SYNPR: variants seen among roughly 807,000 people sequenced by gnomAD.
The protein encoded by SYNPR is synaptoporin.
In SYNPR, 23 loss-of-function variants were observed where a neutral mutation model predicts 32.9. That is an observed-to-expected ratio of 0.70 (90% CI 0.50 to 0.99). SYNPR has a LOEUF of 0.99. SYNPR is among the 50% of genes least tolerant of loss of function. The pLI, the probability that SYNPR is intolerant of heterozygous loss-of-function variation, is 0.00. For missense variants in SYNPR, 318 were observed against 349.3 expected, an observed-to-expected ratio of 0.91 and a Z score of 0.71; for synonymous variants, 146 against 135.9, an observed-to-expected ratio of 1.07 and a Z score of -0.52.
intron 2 of SYNPR, among the ~76,000 whole-genome samples, chr3:63,265,505 A>G (rs2086478296): frequency 6.6e-6 from 1 of 152,122 alleles, no homozygotes; most frequent in Non-Finnish European, 1.5e-5. Context: ...ACCTGCCTCA[A>G]CTTCCCAAAA....
chr3:63,355,826 G>A (rs1276378110), intron 2 of SYNPR, among the ~76,000 whole-genome samples: 1 of 152,108 alleles, frequency 6.6e-6, no homozygotes, highest in Non-Finnish European at 1.5e-5. Context: ...CCATGTCTGA[G>A]CTGGAAAATA....
chr3:63,452,630 C>G (rs12630302), intron 2 of SYNPR, among the ~76,000 whole-genome samples: 1 of 151,914 alleles, frequency 6.6e-6, no homozygotes, highest in South Asian at 2.1e-4. Flanking sequence ...GGACTTGAAC[C>G]TTCACAACAG....
chr3:63,304,777 TTTGA>T (rs1158154296), intron 2 of SYNPR, among the ~76,000 whole-genome samples: 1 of 148,340 alleles, frequency 6.7e-6, no homozygotes, highest in Non-Finnish European at 1.5e-5. Flanking sequence ...TGTTCTTTTA[TTTGA>T]TTAATTAATT....
intron 2 of SYNPR, among the ~76,000 whole-genome samples, chr3:63,408,737 G>T (rs983602525): frequency 6.6e-6 from 1 of 152,116 alleles, no homozygotes; most frequent in African/African-American, 2.4e-5. Context: ...GATGGTGCCT[G>T]CTCACATGGG....
At chr3:63,221,356 A>G in the SYNPR span, among the ~76,000 whole-genome samples, 1 of 152,176 alleles carries the variant, frequency 6.6e-6, no homozygotes, top group African/African-American at 2.4e-5. Flanking sequence ...AGCATTCAAT[A>G]TGCTTATATT....
At chr3:63,410,946 G>C (rs1237140433) in intron 2 of SYNPR, among the ~76,000 whole-genome samples, 2 of 152,188 alleles carry the variant, frequency 1.3e-5, no homozygotes, top group Admixed American at 6.5e-5. Flanking sequence ...TGTTAGGCTA[G>C]TTTTGGAGCA....
chr3:63,333,306 C>A (rs1252472919), intron 2 of SYNPR, among the ~76,000 whole-genome samples: 1 of 150,438 alleles, frequency 6.6e-6, no homozygotes, highest in African/African-American at 2.5e-5. Context: ...TCTCTGGGGT[C>A]ATCTCCCAGT....
intron 4 of SYNPR, among the ~76,000 whole-genome samples, chr3:63,592,811 C>T (rs1699862033): frequency 1.3e-5 from 2 of 152,040 alleles, no homozygotes; most frequent in Non-Finnish European, 2.9e-5. Context: ...TAATATGTCA[C>T]TGAATTTCCT....
At chr3:63,452,731 T>C (rs1251968994) in intron 2 of SYNPR, among the ~76,000 whole-genome samples, 1 of 152,068 alleles carries the variant, frequency 6.6e-6, no homozygotes, top group African/African-American at 2.4e-5. Context: ...ACATTGTGTA[T>C]ATGGTGACTC....
intron 4 of SYNPR, among the ~76,000 whole-genome samples, chr3:63,602,452 G>A (rs559681587): frequency 2.6e-5 from 4 of 152,030 alleles, no homozygotes; most frequent in Non-Finnish European, 5.9e-5. Flanking sequence ...CATTTCCTAG[G>A]TTATCTTCTA....
intron 2 of SYNPR, among the ~76,000 whole-genome samples, chr3:63,255,769 G>A (rs967909214): frequency 6.6e-6 from 1 of 152,168 alleles, no homozygotes; most frequent in Admixed American, 6.5e-5. Context: ...TGGGTGCAGT[G>A]CACCGAGTGT....
At chr3:63,344,459 G>A (rs560850072) in intron 2 of SYNPR, among the ~76,000 whole-genome samples, 1 of 150,404 alleles carries the variant, frequency 6.6e-6, no homozygotes, top group East Asian at 2.0e-4. Flanking sequence ...AGGAGAAATT[G>A]TAAAATGTCT....
chr3:63,561,998 C>T (rs1054240784), intron 4 of SYNPR, among the ~76,000 whole-genome samples: 3 of 152,026 alleles, frequency 2.0e-5, no homozygotes, highest in Non-Finnish European at 4.4e-5. Flanking sequence ...GAAAATTGGG[C>T]CAAAGAAATC....
chr3:63,447,032 A>T (rs1229141212), intron 2 of SYNPR, among the ~76,000 whole-genome samples: 1 of 152,198 alleles, frequency 6.6e-6, no homozygotes, highest in African/African-American at 2.4e-5. Flanking sequence ...TCTTAAAAAA[A>T]AAGTCATAAT....
At chr3:63,374,789 A>G (rs930186509) in intron 2 of SYNPR, among the ~76,000 whole-genome samples, 2 of 152,186 alleles carry the variant, frequency 1.3e-5, no homozygotes, top group Non-Finnish European at 1.5e-5. Flanking sequence ...CCCTCAAATT[A>G]TGTTTAATAT....
intron 4 of SYNPR, among the ~76,000 whole-genome samples, chr3:63,603,615 T>C (rs1700075927): frequency 1.3e-5 from 2 of 152,192 alleles, no homozygotes; most frequent in African/African-American, 2.4e-5. Context: ...GTGGTTTTTA[T>C]TTTTAGTTCT....
upstream of SYNPR, among the ~76,000 whole-genome samples, chr3:63,227,973 A>T (rs1172110912): frequency 1.3e-5 from 2 of 152,222 alleles, no homozygotes; most frequent in African/African-American, 4.8e-5. Context: ...GCCACAGGCC[A>T]GGGTATGCCA....
At position 63,507,125 on chromosome 3, in the gene SYNPR, T is replaced by C. The variant is rs533430857; in HGVS notation, c.209+26169T>C. On this transcript the variant is annotated intron_variant, in intron 3 of 5. Coordinates refer to ENST00000478300, the MANE Select transcript of SYNPR (RefSeq NM_001130003.2). ...TCGCACCATGGCACTCCAGCCTGGGTGACAGAGCGAGACTCTGTCTCAAAA... is the reference window on the plus strand; with the variant it reads ...TCGCACCATGGCACTCCAGCCTGGGCGACAGAGCGAGACTCTGTCTCAAAA... 3.3e-5 allele frequency among the ~76,000 whole-genome samples: 5 copies of C among 151,366 alleles called. No homozygotes were observed. In the South Asian group the frequency reaches 1.0e-3, roughly 32 times the overall value.
intron 3 of SYNPR, among the ~76,000 whole-genome samples, chr3:63,499,068 G>T (rs1701430542): frequency 6.6e-6 from 1 of 151,804 alleles, no homozygotes; most frequent in Non-Finnish European, 1.5e-5. Context: ...TTCTGGTGCA[G>T]TGAGGAGACC....
Sources: allele counts gnomAD v4.1 joint callset (sites outside exome capture counted in the v4.1 genomes callset), GRCh38; gene constraint gnomAD v4.1.1; transcripts MANE v1.5; gene names NCBI Gene and HGNC (gene_info 2026-07-23, HGNC 2026-07-21).